DCAF12: variants seen among roughly 807,000 people sequenced by gnomAD.
DCAF12 encodes the protein DDB1 and CUL4 associated factor 12, also known as DDB1- and CUL4-associated factor 12.
A neutral mutation model predicts 52.8 loss-of-function variants in DCAF12; 28 were observed. The observed-to-expected ratio is 0.53, with a 90% CI of 0.39 to 0.73. The LOEUF (loss-of-function observed/expected upper bound fraction) is 0.73. Among genes scored for constraint, DCAF12 ranks in the 30% least tolerant of loss-of-function variants. DCAF12 has a pLI of 0.00. For missense variants in DCAF12, 425 were observed against 552.2 expected (o/e 0.77, Z 2.31); for synonymous variants, 196 against 215.5 (o/e 0.91, Z 0.79).
intron 1 of DCAF12, 172 bp from the exon 2 acceptor site, chr9:34,125,449 C>A: frequency 1.3e-6 from 1 of 766,174 alleles, no homozygotes. Context: ...ACTCTTCCAA[C>A]ATTAAAAAGA....
chr9:34,126,411 G>C lies in DCAF12; in HGVS notation c.21C>G (p.Ser7Arg). Residue 7 changes from serine (S) to arginine (R), a missense_variant, in exon 1 of 9, where the codon AGC (serine) becomes AGG (arginine). Ser to Arg is a moderately radical substitution (Grantham distance 110). Transcript: ENST00000361264. ...GCGAGGCGGGCGCTTTCCGCTTCCT[G>C]CTAACTACTTTCCGGGCCATAGTGG... MARKVV[S>R]RKRKAPASPG... The C allele has an allele frequency of 6.2e-7, 1 of 1,609,214 alleles. No individual in the cohort carries two copies. Among genetic ancestry groups the C allele is most frequent in the Non-Finnish European group, 8.5e-7 (1 of 1,179,698 alleles).
In DCAF12 at chr9:34,087,745, G is replaced by A. The variant is rs1005143642; in HGVS notation, c.*605C>T. ...GTTTTTACTTCCTATTATCAGTGTT[G>A]TTAGACTTAAAAAACAAGATACAGA... On this transcript the variant is annotated 3_prime_UTR_variant, in exon 9 of 9. Coordinates refer to ENST00000361264, the MANE Select transcript of DCAF12 (RefSeq NM_015397.4). The A allele has an allele frequency of 2.0e-5, 3 of 152,134 alleles. No individual in the cohort carries two copies. Among genetic ancestry groups the A allele is most frequent in the African/African-American group, 7.2e-5 (3 of 41,428 alleles). The allele number at this position is 152,134 out of a possible 1,614,324, so 9.4% of individuals were successfully genotyped here. A position where few individuals can be genotyped will look rare whatever the true frequency, so the allele number is the denominator to read the frequency against.
At chr9:34,089,743 A>G in intron 7 of DCAF12, 153 bp from the exon 8 acceptor site, 2 of 641,484 alleles carry the variant, frequency 3.1e-6, no homozygotes, top group Non-Finnish European at 4.9e-6. Flanking sequence ...CCCAATGGCA[A>G]GTTAGCTCAT....
rs771451419 is a variant in DCAF12 at position 34,125,311 on chromosome 9, C to T, written c.79-34G>A. 3 of 1,609,556 alleles carry T rather than the reference C, an allele frequency of 1.9e-6. No homozygotes were observed. The East Asian group carries it at 6.7e-5, about 36-fold the overall frequency. ...ACAACATTAGAAATCAGGGCTTTGG[C>T]TACTCTTCTTCAGAACAGATCCTAC... On this transcript the variant is annotated intron_variant, in intron 1 of 8. Coordinates refer to ENST00000361264, the MANE Select transcript of DCAF12 (RefSeq NM_015397.4).
intron 2 of DCAF12, among the ~76,000 whole-genome samples, chr9:34,120,329 A>G (rs190711059): frequency 1.1e-4 from 16 of 151,342 alleles, no homozygotes; most frequent in African/African-American, 3.9e-4. Flanking sequence ...GCAGTGAGCC[A>G]TGACTGCACC....
In DCAF12 at chr9:34,107,508, G is replaced by A. The variant is rs779607013; in HGVS notation, c.391C>T (p.Arg131Trp). The change falls in exon 3 of 9, where the codon CGG becomes TGG. Residue 131 changes from arginine to tryptophan, a missense_variant. Arg to Trp is a moderately radical substitution (Grantham distance 101, BLOSUM62 -3). Transcript: ENST00000361264. ...TGCTGGGTCACACCTCCAGGCTCCC[G>A]GTCTTTCAGAATGGGGATCTTGGTG... ...QITKIPILKD[R>W]EPGGVTQQGC... 2.1e-5 allele frequency: 34 copies of A among 1,614,000 alleles called. No individual in the cohort carries two copies. Among genetic ancestry groups the A allele is most frequent in the Middle Eastern group, 1.6e-4 (1 of 6,078 alleles).
intron 4 of DCAF12, among the ~76,000 whole-genome samples, chr9:34,105,666 C>T (rs1828892556): frequency 1.3e-5 from 2 of 151,518 alleles, no homozygotes; most frequent in African/African-American, 4.8e-5. Flanking sequence ...CGAAACAACC[C>T]ACAAAAAAAA....
intron 7 of DCAF12, among the ~76,000 whole-genome samples, chr9:34,090,330 G>T (rs566159811): frequency 1.3e-5 from 2 of 151,982 alleles, no homozygotes; most frequent in South Asian, 2.1e-4. Context: ...AAAGTGCTGG[G>T]ATTATAGGCA....
intron 7 of DCAF12, among the ~76,000 whole-genome samples, chr9:34,091,453 A>G (rs1828642460): frequency 6.6e-6 from 1 of 151,942 alleles, no homozygotes; most frequent in Non-Finnish European, 1.5e-5. Context: ...TCTGGGCAAC[A>G]TGATGAGAAC....
chr9:34,107,336 C>T, intron 3 of DCAF12, 23 bp downstream of exon 3: 14 of 1,611,080 alleles, frequency 8.7e-6, no homozygotes, highest in Non-Finnish European at 1.2e-5. Flanking sequence ...CTCCCTCCAA[C>T]TACAACTACT....
At chr9:34,115,066 A>G (rs72731216) in intron 2 of DCAF12, among the ~76,000 whole-genome samples, 13,792 of 152,210 alleles carry the variant, frequency 0.091, 905 homozygotes, top group Non-Finnish European at 0.13. Flanking sequence ...ATGAGAAAGG[A>G]AAGTAATTCT....
At chr9:34,107,231 A>C in intron 3 of DCAF12, 128 bp downstream of exon 3, 1 of 880,400 alleles carries the variant, frequency 1.1e-6, no homozygotes, top group Non-Finnish European at 1.8e-6. Context: ...CCCCTTTATC[A>C]AATATACACT....
In DCAF12 at chr9:34,087,565, T is replaced by C. The variant is rs977672660; in HGVS notation, c.*785A>G. The C allele has an allele frequency of 6.6e-6, 1 of 151,416 alleles. No individual in the cohort carries two copies. Among genetic ancestry groups the C allele is most frequent in the Non-Finnish European group, 1.5e-5 (1 of 67,862 alleles). The allele number at this position is 151,416 out of a possible 1,614,324, so 9.4% of individuals were successfully genotyped here. A position where few individuals can be genotyped will look rare whatever the true frequency, so the allele number is the denominator to read the frequency against. On this transcript the variant is annotated 3_prime_UTR_variant, in exon 9 of 9. Coordinates refer to ENST00000361264, the MANE Select transcript of DCAF12 (RefSeq NM_015397.4). ...GCTACTGGCTAAGCAGATGTGAGGG[T>C]GGGAAGGGGAAGTGACACCAACTTC...
In DCAF12 at chr9:34,099,212, C is replaced by T. The variant is rs147681728; in HGVS notation, c.602-695G>A. ...CCTCCCAAGTAGCTGAGATCACAGG[C>T]GCATGCTACCATGCCCTGCTAATTC... On this transcript the variant is annotated intron_variant, in intron 4 of 8. Transcript: ENST00000361264. Among the ~76,000 whole-genome samples the T allele has an allele frequency of 8.4e-4, 127 of 151,962 alleles. 1 individual carries two copies. The highest frequency in any genetic ancestry group is 1.1e-3 in the Non-Finnish European group (77 of 67,958).
In DCAF12 at chr9:34,088,403, C is replaced by A; in HGVS notation, c.1309G>T (p.Gly437Ter). ...DSSGTKLFVA[G>*]GPLPSGLHGN... ...TGGAGCCCTGAAGGGAGGGGACCTCCTGCCACAAAGAGTTTCGTTCCAGAC... is the reference window on the plus strand; with the variant it reads ...TGGAGCCCTGAAGGGAGGGGACCTCATGCCACAAAGAGTTTCGTTCCAGAC... The change falls in exon 9 of 9, where the codon GGA (glycine) becomes TGA (stop). Residue 437 changes from glycine (G) to a stop codon, truncating the protein, a stop_gained. Transcript: ENST00000361264. LOFTEE classifies it high-confidence loss of function. 2 of 1,613,590 alleles carry A rather than the reference C, an allele frequency of 1.2e-6. No individual in the cohort carries two copies. Among genetic ancestry groups the A allele is most frequent in the Non-Finnish European group, 1.7e-6 (2 of 1,179,732 alleles).
At chr9:34,093,164 G>C (rs1801881827) in intron 7 of DCAF12, 122 bp downstream of exon 7, 2 of 1,296,758 alleles carry the variant, frequency 1.5e-6, no homozygotes, top group Admixed American at 2.2e-5. Context: ...TCCCCTTTTT[G>C]AACACACTTC....
chr9:34,121,978 C>T (rs1563864197), intron 2 of DCAF12, among the ~76,000 whole-genome samples: 1 of 151,974 alleles, frequency 6.6e-6, no homozygotes, highest in Non-Finnish European at 1.5e-5. Flanking sequence ...AAAATAAAGT[C>T]CTCCTTTCTT....
rs938388446 is a variant in DCAF12 at position 34,108,659 on chromosome 9, G to A, written c.334-1094C>T. ...AAATTAGCTGGGCATGGTGGCACACGCCTGTAATCTCAGCTACTCGGGAGG... is the reference window on the plus strand; with the variant it reads ...AAATTAGCTGGGCATGGTGGCACACACCTGTAATCTCAGCTACTCGGGAGG... On this transcript the variant is annotated intron_variant, in intron 2 of 8. Coordinates refer to ENST00000361264, the MANE Select transcript of DCAF12 (RefSeq NM_015397.4). Among the ~76,000 whole-genome samples, 13 of 151,942 alleles carry A rather than the reference G, an allele frequency of 8.6e-5. No individual in the cohort carries two copies. In the South Asian group the frequency reaches 2.7e-3, roughly 32 times the overall value.
chr9:34,104,544 CTG>C (rs1247025408), intron 4 of DCAF12, among the ~76,000 whole-genome samples: 1 of 152,286 alleles, frequency 6.6e-6, no homozygotes, highest in African/African-American at 2.4e-5. Context: ...AATTAGATAA[CTG>C]TGTTTCAGAA....
Sources: gnomAD v4.1 joint callset for allele counts (sites outside exome capture counted in the v4.1 genomes callset) on GRCh38, gnomAD v4.1.1 for gene constraint, MANE v1.5 for transcripts, NCBI Gene and HGNC (gene_info 2026-07-23, HGNC 2026-07-21) for gene names.